Variants in MEIS2 observed in about 807,000 individuals in gnomAD.
The protein encoded by MEIS2 is homeobox protein Meis2.
In MEIS2, 9 loss-of-function variants were observed where a neutral mutation model predicts 58.6. That is an observed-to-expected ratio of 0.15 (90% CI 0.09 to 0.27). The LOEUF is 0.27. Among genes scored for constraint, MEIS2 ranks in the 10% least tolerant of loss-of-function variants. MEIS2 has a pLI of 1.00. For synonymous variants in MEIS2, 221 were observed against 228.4 expected (o/e 0.97, Z 0.29); for missense variants, 427 against 635.0 (o/e 0.67, Z 3.52).
chr15:36,990,204 C>G (rs754768033), intron 8 of MEIS2, among the ~76,000 whole-genome samples: 4 of 152,224 alleles, frequency 2.6e-5, no homozygotes, highest in Admixed American at 6.5e-5. Context: ...CTCGGCCTCC[C>G]AAAGTGCTGG....
chr15:36,964,720 C>A (rs572344044), intron 8 of MEIS2, among the ~76,000 whole-genome samples: 24 of 152,186 alleles, frequency 1.6e-4, no homozygotes, highest in Admixed American at 1.2e-3. Context: ...TAATTTAATA[C>A]CCTAGTGGAT....
At chr15:36,993,514 T>C (rs1363722674) in intron 8 of MEIS2, among the ~76,000 whole-genome samples, 1 of 152,138 alleles carries the variant, frequency 6.6e-6, no homozygotes, top group Non-Finnish European at 1.5e-5. Flanking sequence ...TGCAATCTGA[T>C]GGTTTTTAAG....
chr15:37,018,956 C>T (rs17527631), intron 8 of MEIS2, among the ~76,000 whole-genome samples: 41,872 of 151,954 alleles, frequency 0.28, 6,451 homozygotes, highest in Non-Finnish European at 0.34. Flanking sequence ...CAGGCCAGGT[C>T]GGTCATTGAT....
intron 6 of MEIS2, among the ~76,000 whole-genome samples, chr15:37,093,064 T>C (rs1893742272): frequency 6.6e-6 from 1 of 152,228 alleles, no homozygotes; most frequent in Admixed American, 6.5e-5. Context: ...AGAATTGTAA[T>C]GTGTTTGTTC....
At chr15:37,000,839 T>C (rs2060697148) in intron 8 of MEIS2, among the ~76,000 whole-genome samples, 1 of 152,252 alleles carries the variant, frequency 6.6e-6, no homozygotes, top group South Asian at 2.1e-4. Context: ...TCAGCTCCGC[T>C]CCCTGCCCCC....
intron 8 of MEIS2, among the ~76,000 whole-genome samples, chr15:36,964,964 T>C (rs2059308427): frequency 6.6e-6 from 1 of 152,202 alleles, no homozygotes; most frequent in Non-Finnish European, 1.5e-5. Flanking sequence ...TATTAGCTGC[T>C]GAAGTTCTAA....
chr15:37,023,699 C>G (rs1595947948), intron 8 of MEIS2, among the ~76,000 whole-genome samples: 3 of 152,204 alleles, frequency 2.0e-5, no homozygotes, highest in South Asian at 4.1e-4. Context: ...TGGAGAGAGT[C>G]CATTCAGCCC....
intron 8 of MEIS2, among the ~76,000 whole-genome samples, chr15:36,967,582 C>T (rs2059398216): frequency 6.6e-6 from 1 of 152,170 alleles, no homozygotes; most frequent in African/African-American, 2.4e-5. Context: ...ACCGGTATAG[C>T]TCCATGTCAC....
chr15:37,020,247 C>G lies in MEIS2; in HGVS notation c.900+16567G>C, dbSNP rs190271926. Among the ~76,000 whole-genome samples, 24 of 152,246 alleles carry G rather than the reference C, an allele frequency of 1.6e-4. No homozygotes were observed. In the East Asian group the frequency reaches 4.5e-3, roughly 28 times the overall value. On this transcript the variant is annotated intron_variant, in intron 8 of 11. Transcript: ENST00000561208. The stretch of plus-strand genomic sequence containing the variant: ...CCTGAGGAGGGGTCAAGAGCACAGT[C>G]TGACAAACCGGGAAATGAGTCTCGT...
intron 8 of MEIS2, among the ~76,000 whole-genome samples, chr15:36,954,392 T>C (rs1213336360): frequency 6.7e-6 from 1 of 149,934 alleles, no homozygotes; most frequent in Non-Finnish European, 1.5e-5. Context: ...ATATTGTCTA[T>C]GTGTGTACTG....
At chr15:37,090,052 G>A (rs1379865107) in intron 6 of MEIS2, among the ~76,000 whole-genome samples, 2 of 151,882 alleles carry the variant, frequency 1.3e-5, no homozygotes, top group African/African-American at 4.8e-5. Context: ...TGAATGTCTA[G>A]GAAACTAACA....
At chr15:36,922,324 T>C (rs2057543942) in intron 9 of MEIS2, among the ~76,000 whole-genome samples, 2 of 152,194 alleles carry the variant, frequency 1.3e-5, no homozygotes, top group Admixed American at 6.5e-5. Flanking sequence ...AGACAGCATA[T>C]ATAAAAGTGC....
chr15:36,987,617 T>C (rs2060135628), intron 8 of MEIS2, among the ~76,000 whole-genome samples: 1 of 152,162 alleles, frequency 6.6e-6, no homozygotes, highest in East Asian at 1.9e-4. Context: ...GCTAAATAAA[T>C]GGTCACTGAA....
At chr15:36,952,599 C>CTG (rs746721144) in intron 8 of MEIS2, among the ~76,000 whole-genome samples, 46,227 of 115,644 alleles carry the variant, frequency 0.4, 7,746 homozygotes, top group Non-Finnish European at 0.45. Flanking sequence ...GTCTGTCTGT[C>CTG]TCTCTCTCTG....
intron 8 of MEIS2, among the ~76,000 whole-genome samples, chr15:37,006,260 GA>G (rs569792634): frequency 1.3e-5 from 2 of 152,188 alleles, no homozygotes; most frequent in Non-Finnish European, 2.9e-5. Flanking sequence ...ACTGTTGACA[GA>G]AGTAAAGATA....
At chr15:36,932,857 A>T (rs1004893826) in intron 9 of MEIS2, among the ~76,000 whole-genome samples, 2 of 152,228 alleles carry the variant, frequency 1.3e-5, no homozygotes, top group African/African-American at 4.8e-5. Context: ...GTAGCCAAAA[A>T]GTGATGGACA....
At chr15:36,995,173 T>C (rs1390874838) in intron 8 of MEIS2, among the ~76,000 whole-genome samples, 1 of 152,238 alleles carries the variant, frequency 6.6e-6, no homozygotes, top group Non-Finnish European at 1.5e-5. Flanking sequence ...CTCCCTGATA[T>C]ATGGCTGAAG....
At chr15:36,973,829 T>C (rs916462443) in intron 8 of MEIS2, among the ~76,000 whole-genome samples, 11 of 152,202 alleles carry the variant, frequency 7.2e-5, no homozygotes, top group Admixed American at 5.2e-4. Flanking sequence ...AGTATTCCAC[T>C]TGAAATGTTC....
At chr15:36,948,517 T>G (rs1408965576) in intron 9 of MEIS2, among the ~76,000 whole-genome samples, 1 of 152,018 alleles carries the variant, frequency 6.6e-6, no homozygotes, top group Non-Finnish European at 1.5e-5. Flanking sequence ...CAAATATCCA[T>G]GCGGAAATTT....
Sources: allele counts gnomAD v4.1 joint callset (sites outside exome capture counted in the v4.1 genomes callset), GRCh38; gene constraint gnomAD v4.1.1; transcripts MANE v1.5; gene names NCBI Gene and HGNC (gene_info 2026-07-23, HGNC 2026-07-21).